The following UBA7 variants were observed in gnomAD, a reference collection of about 807,000 sequenced individuals.
The protein encoded by UBA7 is ubiquitin-like modifier-activating enzyme 7.
Under a neutral mutation model 113.0 loss-of-function variants are expected in UBA7, and 88 were observed. The observed-to-expected ratio is 0.78, with a 90% CI of 0.66 to 0.93. The LOEUF is 0.93. UBA7 is among the 40% of genes least tolerant of loss of function. The probability of loss-of-function intolerance (pLI) is 0.00; values close to 1 mark genes in which losing one functional copy is unlikely to be tolerated. For missense variants in UBA7, 1,092 were observed against 1,266.4 expected (o/e 0.86, Z 2.09); for synonymous variants, 459 against 513.0 (o/e 0.89, Z 1.42).
intron 23 of UBA7, among the ~76,000 whole-genome samples, chr3:49,805,695 A>G (rs1452785616): frequency 2.6e-5 from 4 of 152,134 alleles, no homozygotes; most frequent in African/African-American, 9.7e-5. Context: ...GGGCTGGCCA[A>G]ATAGGCAGCT....
At chr3:49,811,565 G>A (rs2081548056) in intron 8 of UBA7, 110 bp from the exon 9 acceptor site, 2 of 1,459,950 alleles carry the variant, frequency 1.4e-6, no homozygotes, top group African/African-American at 1.4e-5. Flanking sequence ...GGAAGCAGAA[G>A]CCTGGGTGGG....
chr3:49,813,497 C>G lies in UBA7; in HGVS notation c.207G>C (p.Trp69Cys). 1 of 1,613,852 alleles carries G rather than the reference C, an allele frequency of 6.2e-7. No individual in the cohort carries two copies. Among genetic ancestry groups the G allele is most frequent in the South Asian group, 1.1e-5 (1 of 91,072 alleles). Residue 69 changes from tryptophan (W) to cysteine (C), a missense_variant, in exon 2 of 24, where the codon TGG becomes TGC. By Grantham distance (215) the Trp-to-Cys change is radical. Coordinates refer to ENST00000333486, the MANE Select transcript of UBA7 (RefSeq NM_003335.3). ...LTLHDPHPTCWSDLAAQFLLS... is the reference protein window; with the variant it reads ...LTLHDPHPTCCSDLAAQFLLS... ...CACTTACCTGGGCAGCCAGGTCGGA[C>G]CAGCAGGTGGGGTGGGGATCATGCA... is the stretch of plus-strand genomic sequence containing the variant.
chr3:49,805,853 T>C, intron 23 of UBA7, 44 bp downstream of exon 23: 1 of 1,522,414 alleles, frequency 6.6e-7, no homozygotes, highest in Non-Finnish European at 8.9e-7. Context: ...AGCCCCAGCC[T>C]CCAGGGACTG....
At chr3:49,808,554 C>A in intron 18 of UBA7, 86 bp from the exon 19 acceptor site, 1 of 1,387,310 alleles carries the variant, frequency 7.2e-7, no homozygotes, top group Non-Finnish European at 9.9e-7. Flanking sequence ...TTGGTCTTTG[C>A]CAAGCCTGTC....
rs2081480293 is a variant in UBA7 at position 49,807,861 on chromosome 3, A to G, written c.2590T>C (p.Leu864=). ...ATTTAAVAGL[L]GLELYKVVSG... ...ACCACCTTATACAGCTCCAGGCCCAACAGGCCTGCCACAGCTGCTGTAGTG... is the reference window on the plus strand; with the variant it reads ...ACCACCTTATACAGCTCCAGGCCCAGCAGGCCTGCCACAGCTGCTGTAGTG... Residue 864 remains leucine, a synonymous_variant, in exon 21 of 24, where the codon TTG becomes CTG. Coordinates refer to ENST00000333486, the MANE Select transcript of UBA7 (RefSeq NM_003335.3). The surrounding 1 kb of genome is among the most constrained non-coding windows in gnomAD (Gnocchi z 4.0). 1.2e-6 allele frequency: 2 copies of G among 1,613,858 alleles called. No homozygotes were observed. Among genetic ancestry groups the G allele is most frequent in the African/African-American group, 2.7e-5 (2 of 74,940 alleles).
Position 49,810,569 on chromosome 3 carries a change from A to G in UBA7, c.1415T>C (p.Ile472Thr), listed in dbSNP as rs149607247. ...CTGACGGCTGAGATTGGAGCGCTCT[A>G]TGTGGTCCATGTCAACAACAGTCAA... is the stretch of plus-strand genomic sequence containing the variant. ...GGLTVVDMDH[I>T]ERSNLSRQFL... is the part of the protein sequence containing the mutation. Residue 472 changes from isoleucine (I) to threonine (T), a missense_variant, in exon 12 of 24, where the codon ATA (isoleucine) becomes ACA (threonine). Transcript: ENST00000333486. This position sits in a 1 kb window ranked among gnomAD's most constrained non-coding sequence, Gnocchi z 5.6. 6.2e-6 allele frequency: 10 copies of G among 1,613,982 alleles called. No homozygotes were observed. The highest frequency in any genetic ancestry group is 2.7e-5 in the African/African-American group (2 of 74,896).
chr3:49,812,718 C>A lies in UBA7; in HGVS notation c.488G>T (p.Gly163Val). The change falls in exon 5 of 24, where the codon GGT (glycine) becomes GTT (valine). Residue 163 changes from glycine to valine, a missense_variant. By Grantham distance (109) the Gly-to-Val change is moderately radical (BLOSUM62 -3). Around this residue, in one of 3 missense-constraint regions of UBA7, gnomAD observed 584 missense variants for 714.5 expected, o/e 0.82. Transcript: ENST00000333486. ...GLVGQLFCDF[G>V]EDFTVQDPTE... Reference sequence around the variant, plus strand: ...GGGGTCCTGCACAGTGAAGTCCTCACCAAAGTCACAGAACAACTGCCTGAG... The same window carrying A: ...GGGGTCCTGCACAGTGAAGTCCTCAACAAAGTCACAGAACAACTGCCTGAG... 6.2e-7 allele frequency: 1 copy of A among 1,614,168 alleles called. No individual in the cohort carries two copies. The highest frequency in any genetic ancestry group is 1.1e-5 in the South Asian group (1 of 91,082).
intron 22 of UBA7, 23 bp downstream of exon 22, chr3:49,806,050 G>C: frequency 6.3e-7 from 1 of 1,579,524 alleles, no homozygotes; most frequent in Admixed American, 1.8e-5. Context: ...GAGCCTGGGG[G>C]TTGGGGTAGC....
chr3:49,809,839 G>GCAGA lies in UBA7; in HGVS notation c.1876_1879dup (p.Ala627ValfsTer20). The GCAGA allele has an allele frequency of 6.2e-7, 1 of 1,614,178 alleles. No individual in the cohort carries two copies. The highest frequency in any genetic ancestry group is 8.5e-7 in the Non-Finnish European group (1 of 1,180,036). On this transcript the variant is annotated frameshift_variant, in exon 15 of 24. Transcript: ENST00000333486. LOFTEE classifies it high-confidence loss of function. ...CTGTTGGTGGTGGTTGATGGTCTCTGCAGACAGTCGGAAGAGTTCTTCAAA... is the reference window on the plus strand; with the variant it reads ...CTGTTGGTGGTGGTTGATGGTCTCTGCAGACAGACAGTCGGAAGAGTTCTTCAAA...
chr3:49,809,393 G>A lies in UBA7; in HGVS notation c.2160C>T (p.Asn720=). Residue 720 remains asparagine (N), a synonymous_variant, in exon 17 of 24, where the codon AAC becomes AAT. Coordinates refer to ENST00000333486, the MANE Select transcript of UBA7 (RefSeq NM_003335.3). ...QCPQPLEFDT[N]QDTHLLYVLA... ...CTCCCTACAGAATCCCACTCACTTG[G>A]TTGGTGTCAAACTCCAAGGGCTGGG... is the stretch of plus-strand genomic sequence containing the variant. 6.2e-7 allele frequency: 1 copy of A among 1,614,064 alleles called. No individual in the cohort carries two copies. The highest frequency in any genetic ancestry group is 1.1e-5 in the South Asian group (1 of 91,084).
rs750988298 is a variant in UBA7, at chr3:49,813,508, G to A, written c.196C>T (p.Pro66Ser). Residue 66 changes from proline to serine, a missense_variant, in exon 2 of 24, where the codon CCC becomes TCC. Physicochemically the swap from Pro to Ser is moderately conservative, Grantham distance 74. Coordinates refer to ENST00000333486, the MANE Select transcript of UBA7 (RefSeq NM_003335.3). Reference sequence around the variant, plus strand: ...GCAGCCAGGTCGGACCAGCAGGTGGGGTGGGGATCATGCAGAGTGAGGCTG... The same window carrying A: ...GCAGCCAGGTCGGACCAGCAGGTGGAGTGGGGATCATGCAGAGTGAGGCTG... ...VGSLTLHDPH[P>S]TCWSDLAAQF... 3.1e-6 allele frequency: 5 copies of A among 1,613,964 alleles called. No homozygotes were observed. Among genetic ancestry groups the A allele is most frequent in the Non-Finnish European group, 4.2e-6 (5 of 1,180,026 alleles).
rs917681054 is a variant in UBA7 at position 49,809,126 on chromosome 3, T to C, written c.2197A>G (p.Asn733Asp). The C allele has an allele frequency of 1.2e-6, 2 of 1,613,138 alleles. No individual in the cohort carries two copies. The highest frequency in any genetic ancestry group is 8.5e-7 in the Non-Finnish European group (1 of 1,179,740). The change falls in exon 18 of 24, where the codon AAC becomes GAC. Residue 733 changes from asparagine to aspartate, a missense_variant. Transcript: ENST00000333486. ...AGCCCATGCATCTGGGCATACAGGTTGGCAGCTGCCAGTACGTAGAGGAGG... is the reference window on the plus strand; with the variant it reads ...AGCCCATGCATCTGGGCATACAGGTCGGCAGCTGCCAGTACGTAGAGGAGG... ...THLLYVLAAA[N>D]LYAQMHGLPG... is the part of the protein sequence containing the mutation.
In UBA7 at chr3:49,805,417, TGCTGAACCAGTTCTGTCACCCTG is replaced by T. The variant is rs754741919; in HGVS notation, c.2910-3_2929del. 6.2e-7 allele frequency: 1 copy of T among 1,610,476 alleles called. No homozygotes were observed. The highest frequency in any genetic ancestry group is 1.4e-5 in the African/African-American group (1 of 73,334). ...AGGAGCAGGTGCCTGGCCTGTCAGC[TGCTGAACCAGTTCTGTCACCCTG>T]GTAGGGGTGGGTTTAGGGGAGATTG... On this transcript the variant is annotated splice_acceptor_variant and splice_polypyrimidine_tract_variant and coding_sequence_variant and intron_variant, in exon 24 of 24. Coordinates refer to ENST00000333486, the MANE Select transcript of UBA7 (RefSeq NM_003335.3). LOFTEE classifies it high-confidence loss of function.
Position 49,810,418 on chromosome 3 carries a change from G to A in UBA7, c.1478C>T (p.Ala493Val). Reference sequence around the variant, plus strand: ...CCGGGCAGCTGCTGCAGCCACCTCTGCCTTGGGTCTCTGGGAAGAAGGCAG... The same window carrying A: ...CCGGGCAGCTGCTGCAGCCACCTCTACCTTGGGTCTCTGGGAAGAAGGCAG... ...FRSQDVGRPK[A>V]EVAAAAARGL... Residue 493 changes from alanine (A) to valine (V), a missense_variant, in exon 13 of 24, where the codon GCA becomes GTA. Coordinates refer to ENST00000333486, the MANE Select transcript of UBA7 (RefSeq NM_003335.3). This position sits in a 1 kb window ranked among gnomAD's most constrained non-coding sequence, Gnocchi z 5.6. 1 of 1,614,138 alleles carries A rather than the reference G, an allele frequency of 6.2e-7. No homozygotes were observed.
In UBA7 at chr3:49,811,062, G is replaced by C; in HGVS notation, c.1152C>G (p.Asp384Glu). The change falls in exon 10 of 24, where the codon GAC (aspartate) becomes GAG (glutamate). Residue 384 changes from aspartate to glutamate, a missense_variant. Coordinates refer to ENST00000333486, the MANE Select transcript of UBA7 (RefSeq NM_003335.3). ...CGAGGGCATCAAAGTAAAGCCACTG[G>C]TCCAGAGGCATGAACTTCCTGGAGA... ...KAISRKFMPL[D>E]QWLYFDALDC... is the part of the protein sequence containing the mutation. 6.2e-7 allele frequency: 1 copy of C among 1,614,046 alleles called. No homozygotes were observed. Among genetic ancestry groups the C allele is most frequent in the Non-Finnish European group, 8.5e-7 (1 of 1,180,008 alleles).
Position 49,809,986 on chromosome 3 carries a change from T to C in UBA7, c.1831A>G (p.Thr611Ala). Reference sequence around the variant, plus strand: ...TCCAGGGTGCTTCCTACCTGCAGGGTGTGCTCGGCTGTGCTAGGGAAGTAC... The same window carrying C: ...TCCAGGGTGCTTCCTACCTGCAGGGCGTGCTCGGCTGTGCTAGGGAAGTAC... ...VRYFPSTAEH[T>A]LQWARHEFEE... The change falls in exon 14 of 24, where the codon ACC (threonine) becomes GCC (alanine). Residue 611 changes from threonine to alanine, a missense_variant. Physicochemically the swap from Thr to Ala is moderately conservative, Grantham distance 58 (BLOSUM62 0). Transcript: ENST00000333486. 1 of 1,613,582 alleles carries C rather than the reference T, an allele frequency of 6.2e-7. No individual in the cohort carries two copies. The highest frequency in any genetic ancestry group is 1.1e-5 in the South Asian group (1 of 91,066).
At position 49,812,036 on chromosome 3, in the gene UBA7, A is replaced by G. The variant is rs1173960237; in HGVS notation, c.793-20T>C. 1 of 1,614,198 alleles carries G rather than the reference A, an allele frequency of 6.2e-7. No homozygotes were observed. The highest frequency in any genetic ancestry group is 1.7e-5 in the Admixed American group (1 of 60,032). ...GGACTTCTGCAAGGGCACCTGGCTC[A>G]GGGTCTAGTCCAGAATGCTATGGGC... On this transcript the variant is annotated intron_variant, in intron 7 of 23. Coordinates refer to ENST00000333486, the MANE Select transcript of UBA7 (RefSeq NM_003335.3).
chr3:49,809,256 C>T (rs1227550394), intron 17 of UBA7, 97 bp from the exon 18 acceptor site: 1 of 1,535,094 alleles, frequency 6.5e-7, no homozygotes, highest in Non-Finnish European at 8.8e-7. Context: ...CTTTGCCTCA[C>T]ATGTAGACAC....
At chr3:49,812,820 C>A in intron 4 of UBA7, 82 bp from the exon 5 acceptor site, 2 of 1,488,172 alleles carry the variant, frequency 1.3e-6, no homozygotes, top group Non-Finnish European at 1.9e-6. Context: ...GGCCAGAGGG[C>A]CAGAATTGGG....
Sources: allele counts gnomAD v4.1 joint callset (sites outside exome capture counted in the v4.1 genomes callset), GRCh38; gene constraint gnomAD v4.1.1; regional missense constraint gnomAD v4.1.1; non-coding constraint Gnocchi (gnomAD v3.1); transcripts MANE v1.5; gene names NCBI Gene and HGNC (gene_info 2026-07-23, HGNC 2026-07-21).